TCEANC2: variants seen among roughly 807,000 people sequenced by gnomAD.
TCEANC2 encodes transcription elongation factor A N-terminal and central domain containing 2.
TCEANC2 carries 20 observed loss-of-function variants against 22.8 expected under a neutral mutation model. That is an observed-to-expected ratio of 0.88 (90% confidence interval 0.62 to 1.28). The LOEUF is 1.28. Ranked by LOEUF, TCEANC2 falls within the 50% of genes most tolerant of loss-of-function variation. The pLI, the probability that TCEANC2 is intolerant of heterozygous loss-of-function variation, is 0.00. For synonymous variants in TCEANC2, 84 were observed against 95.5 expected (o/e 0.88, Z 0.70); for missense variants, 251 against 249.7 (o/e 1.01, Z -0.03).
intron 3 of TCEANC2, among the ~76,000 whole-genome samples, chr1:54,074,972 C>T (rs965238867): frequency 2.6e-5 from 4 of 152,154 alleles, no homozygotes; most frequent in African/African-American, 9.7e-5. Flanking sequence ...GGCAAAGATT[C>T]TGTAGAGTGA....
chr1:54,083,231 G>C (rs1658279462), intron 3 of TCEANC2, among the ~76,000 whole-genome samples: 2 of 152,144 alleles, frequency 1.3e-5, no homozygotes, highest in South Asian at 4.1e-4. Context: ...TGCTCAGTGA[G>C]AACCTTTGGC....
At chr1:54,058,351 A>T (rs1569990687) in intron 2 of TCEANC2, among the ~76,000 whole-genome samples, 1 of 152,108 alleles carries the variant, frequency 6.6e-6, no homozygotes, top group African/African-American at 2.4e-5. Context: ...TATATTAAAC[A>T]TGTCTGTATC....
chr1:54,091,410 G>A (rs1658445020), intron 4 of TCEANC2, among the ~76,000 whole-genome samples: 1 of 152,196 alleles, frequency 6.6e-6, no homozygotes, highest in African/African-American at 2.4e-5. Flanking sequence ...TCAGGCAGCA[G>A]TAAAGCATTG....
chr1:54,065,200 A>G (rs1657930574), intron 2 of TCEANC2, among the ~76,000 whole-genome samples: 1 of 152,234 alleles, frequency 6.6e-6, no homozygotes, highest in Non-Finnish European at 1.5e-5. Flanking sequence ...TGAAGCAGAA[A>G]CACATCAAAC....
intron 3 of TCEANC2, among the ~76,000 whole-genome samples, chr1:54,073,358 G>A (rs1658092310): frequency 6.6e-6 from 1 of 152,198 alleles, no homozygotes; most frequent in Non-Finnish European, 1.5e-5. Context: ...AATAATCAGA[G>A]GCCATCTCTG....
At chr1:54,094,701 C>T (rs1055384399) in intron 4 of TCEANC2, among the ~76,000 whole-genome samples, 1 of 152,224 alleles carries the variant, frequency 6.6e-6, no homozygotes, top group African/African-American at 2.4e-5. Flanking sequence ...AGCCCAAGCA[C>T]AGAGCCTGGC....
chr1:54,106,316 T>G (rs2100398039), downstream of TCEANC2, among the ~76,000 whole-genome samples: 1 of 152,366 alleles, frequency 6.6e-6, no homozygotes, highest in African/African-American at 2.4e-5. Context: ...TAGGTTTGTA[T>G]AACAGCACTA....
chr1:54,088,618 G>T lies in TCEANC2; in HGVS notation c.266G>T (p.Arg89Leu), dbSNP rs76384967. 2.5e-5 allele frequency: 40 copies of T among 1,602,952 alleles called. No homozygotes were observed. Among genetic ancestry groups the T allele is most frequent in the Non-Finnish European group, 3.3e-5 (39 of 1,176,884 alleles). The change falls in exon 4 of 5, where the codon CGT becomes CTT. Residue 89 changes from arginine (R) to leucine (L), a missense_variant. By Grantham distance (102) the Arg-to-Leu change is moderately radical. Coordinates refer to ENST00000234827, the MANE Select transcript of TCEANC2 (RefSeq NM_153035.3). ...CCAGGTCACACTGTGAACAAGATGC[G>T]TAAACACTCAGATTCAGAAGTGGCT... ...TRIGHTVNKM[R>L]KHSDSEVASL...
exon 5 of TCEANC2, chr1:54,111,911 A>G (rs1658846741): frequency 6.6e-6 from 1 of 152,254 alleles, no homozygotes; most frequent in African/African-American, 2.4e-5. Flanking sequence ...TAAAGAGCCA[A>G]GTCAAAGATC....
Position 54,096,752 on chromosome 1 carries a change from G to A in TCEANC2, c.*279G>A. On this transcript the variant is annotated 3_prime_UTR_variant, in exon 5 of 5. Transcript: ENST00000234827. This position sits in a 1 kb window ranked among gnomAD's most constrained non-coding sequence, Gnocchi z 4.9. Reference sequence around the variant, plus strand: ...TGCTATCACCCAACATGGTGAAAGGGTGATGGATTTCACTGTGAATATGCC... The same window carrying A: ...TGCTATCACCCAACATGGTGAAAGGATGATGGATTTCACTGTGAATATGCC... 8.7e-7 allele frequency: 1 copy of A among 1,142,890 alleles called. No individual in the cohort carries two copies. 70.8% of individuals were successfully genotyped at this position (1,142,890 alleles called of 1,614,324 possible). A position where few individuals can be genotyped will look rare whatever the true frequency, so the allele number is the denominator to read the frequency against.
intron 3 of TCEANC2, among the ~76,000 whole-genome samples, chr1:54,079,432 T>C (rs1658199880): frequency 6.6e-6 from 1 of 152,174 alleles, no homozygotes; most frequent in Admixed American, 6.5e-5. Context: ...AACCTAAAAA[T>C]GAATAAAAGG....
chr1:54,078,847 G>T (rs372034853), intron 3 of TCEANC2, among the ~76,000 whole-genome samples: 1 of 152,174 alleles, frequency 6.6e-6, no homozygotes, highest in South Asian at 2.1e-4. Context: ...AGGAAGTGTG[G>T]TTAGACAGGA....
chr1:54,068,941 T>C, intron 3 of TCEANC2, 44 bp downstream of exon 3: 1 of 1,472,696 alleles, frequency 6.8e-7, no homozygotes, highest in Non-Finnish European at 9.0e-7. Context: ...GCTTATATTT[T>C]GTCTCCCTTC....
At chr1:54,084,563 G>C (rs769456235) in intron 3 of TCEANC2, among the ~76,000 whole-genome samples, 1 of 151,984 alleles carries the variant, frequency 6.6e-6, no homozygotes, top group African/African-American at 2.4e-5. Flanking sequence ...TAAATGCCCG[G>C]TAAAAGTGTT....
rs1373340161 is a variant in TCEANC2, at chr1:54,054,396, C to T, written c.-27C>T. On this transcript the variant is annotated 5_prime_UTR_variant, in exon 2 of 5. The change creates a new upstream start codon in the 5' untranslated region. Coordinates refer to ENST00000234827, the MANE Select transcript of TCEANC2 (RefSeq NM_153035.3). ...TCTTGACCAGAACACGCTGCAAGCA[C>T]GTCAAGGTAGTCGGAGTCCCCTAAC... The T allele has an allele frequency of 3.7e-6, 6 of 1,613,598 alleles. No individual in the cohort carries two copies. Among genetic ancestry groups the T allele is most frequent in the East Asian group, 2.2e-5 (1 of 44,870 alleles).
intron 2 of TCEANC2, among the ~76,000 whole-genome samples, chr1:54,054,746 A>G (rs1313870019): frequency 1.3e-5 from 2 of 152,184 alleles, no homozygotes; most frequent in Non-Finnish European, 2.9e-5. Flanking sequence ...GGTTTACACC[A>G]TGTGTGCTAG....
At position 54,096,522 on chromosome 1, in the gene TCEANC2, G is replaced by A. The variant is rs145619910; in HGVS notation, c.*49G>A. The A allele has an allele frequency of 2.8e-4, 439 of 1,552,698 alleles. 3 individuals are homozygous for A. In the East Asian group the frequency reaches 7.5e-3, roughly 27 times the overall value. On this transcript the variant is annotated 3_prime_UTR_variant, in exon 5 of 5. Transcript: ENST00000234827. This position sits in a 1 kb window ranked among gnomAD's most constrained non-coding sequence, Gnocchi z 4.9. ...GCCAGGCAGAGAGGAAAATGGGCCT[G>A]TCTCTGCCGTTCAAAGACGCTTTTG...
chr1:54,061,839 G>A (rs991712426), intron 2 of TCEANC2, among the ~76,000 whole-genome samples: 4 of 152,110 alleles, frequency 2.6e-5, no homozygotes, highest in Non-Finnish European at 5.9e-5. Flanking sequence ...TCTGTTATCA[G>A]TATATATTAC....
chr1:54,094,770 G>A (rs1490932336), intron 4 of TCEANC2, among the ~76,000 whole-genome samples: 1 of 152,166 alleles, frequency 6.6e-6, no homozygotes, highest in East Asian at 1.9e-4. Flanking sequence ...AAGGTTAAAG[G>A]TAAAAAAGGA....
Sources: allele counts gnomAD v4.1 joint callset (sites outside exome capture counted in the v4.1 genomes callset), GRCh38; gene constraint gnomAD v4.1.1; non-coding constraint Gnocchi (gnomAD v3.1); transcripts MANE v1.5; gene names NCBI Gene and HGNC (gene_info 2026-07-23, HGNC 2026-07-21).